SULT1C2: variants seen among roughly 807,000 people sequenced by gnomAD.
The protein encoded by SULT1C2 is sulfotransferase family 1C member 2, also known as sulfotransferase 1C2.
SULT1C2 carries 27 observed loss-of-function variants against 36.0 expected under a neutral mutation model. The ratio of observed to expected loss-of-function variants is 0.75; its 90% CI spans 0.55 to 1.03. The LOEUF (loss-of-function observed/expected upper bound fraction) is 1.03, where lower values mean the gene tolerates loss of function less well. Ranked by LOEUF, SULT1C2 falls within the 50% of genes least tolerant of loss-of-function variation. The probability of loss-of-function intolerance (pLI) is 0.00; values close to 1 mark genes in which losing one functional copy is unlikely to be tolerated. For synonymous variants in SULT1C2, 121 were observed against 116.0 expected (o/e 1.04, Z -0.27); for missense variants, 395 against 359.2 (o/e 1.10, Z -0.80).
In SULT1C2 at chr2:108,298,857, A is replaced by G. The variant is rs1013555932; in HGVS notation, c.278-1981A>G. The G allele has an allele frequency of 3.7e-5, 7 of 186,984 alleles. No homozygotes were observed. The Middle Eastern group carries it at 2.8e-3, about 74-fold the overall frequency. The allele number at this position is 186,984 out of a possible 1,614,324, so 11.6% of individuals were successfully genotyped here. A position where few individuals can be genotyped will look rare whatever the true frequency, so the allele number is the denominator to read the frequency against. On this transcript the variant is annotated intron_variant, in intron 3 of 7. Transcript: ENST00000251481. Reference sequence around the variant, plus strand: ...GCTCTTTTCTCCCTGTCTTGATCTCACACCTACATTGGAACATTTCCAATC... The same window carrying G: ...GCTCTTTTCTCCCTGTCTTGATCTCGCACCTACATTGGAACATTTCCAATC...
rs771478982 is a variant in SULT1C2, at chr2:108,305,587, T to C, written c.770T>C (p.Met257Thr). The C allele has an allele frequency of 6.2e-7, 1 of 1,613,560 alleles. No individual in the cohort carries two copies. ...TTGGACCAGTCAATTTCCTCCTTCA[T>C]GAGAAAAGGTGTGTGGGGCCTCTTT... is the stretch of plus-strand genomic sequence containing the variant. The part of the protein sequence containing the change: ...SILDQSISSF[M>T]RKGTVGDWKN... The change falls in exon 7 of 8, where the codon ATG becomes ACG. Residue 257 changes from methionine (M) to threonine (T), a missense_variant. Transcript: ENST00000251481.
intron 2 of SULT1C2, among the ~76,000 whole-genome samples, 155 bp downstream of exon 2, chr2:108,293,973 G>C (rs1376162175): frequency 6.6e-6 from 1 of 152,184 alleles, no homozygotes; most frequent in Non-Finnish European, 1.5e-5. Flanking sequence ...TGATATCCGA[G>C]TTTTCCAGGA....
In SULT1C2 at chr2:108,308,359, G is replaced by T. The variant is rs1187019678; in HGVS notation, c.786G>T (p.Val262=). The T allele has an allele frequency of 1.9e-6, 3 of 1,607,376 alleles. No homozygotes were observed. The highest frequency in any genetic ancestry group is 2.5e-6 in the Non-Finnish European group (3 of 1,178,314). ...TGGCCTTCCTTTTTCTAGGAACTGT[G>T]GGGGATTGGAAAAACCACTTCACTG... ...SISSFMRKGT[V]GDWKNHFTVA... Residue 262 remains valine, a synonymous_variant, in exon 8 of 8, where the codon GTG becomes GTT. Transcript: ENST00000251481.
chr2:108,292,266 TTAG>T (rs1277363542), intron 1 of SULT1C2, among the ~76,000 whole-genome samples: 2 of 152,154 alleles, frequency 1.3e-5, no homozygotes, highest in African/African-American at 4.8e-5. Flanking sequence ...TACTATTTCA[TTAG>T]TAGTAGTAGT....
chr2:108,308,295 AG>A (rs2104426390), intron 7 of SULT1C2, 56 bp from the exon 8 acceptor site: 8 of 1,512,570 alleles, frequency 5.3e-6, no homozygotes, highest in Middle Eastern at 1.8e-4. Flanking sequence ...CACTTTACTC[AG>A]GGACACCACA....
chr2:108,293,254 T>A (rs905042398), intron 1 of SULT1C2, among the ~76,000 whole-genome samples: 11 of 149,568 alleles, frequency 7.4e-5, no homozygotes, highest in Non-Finnish European at 1.5e-4. Flanking sequence ...CATCACATGC[T>A]ACAACACGGA....
At chr2:108,305,673 T>G in intron 7 of SULT1C2, 78 bp downstream of exon 7, 2 of 1,553,374 alleles carry the variant, frequency 1.3e-6, no homozygotes, top group Non-Finnish European at 1.8e-6. Context: ...ATATTGAGTT[T>G]TATTAATTCC....
At chr2:108,294,478 T>TCTCTCCCTCCCTCTCTCCTTCCTCTTCG in intron 3 of SULT1C2, 124 bp downstream of exon 3, 1 of 901,438 alleles carries the variant, frequency 1.1e-6, no homozygotes, top group Non-Finnish European at 1.6e-6. Context: ...CTTCCTCTTC[T>TCTCTCCCTCCCTCTCTCCTTCCTCTTCG]CTTTCTCTCT....
intron 5 of SULT1C2, 45 bp downstream of exon 5, chr2:108,304,745 G>T: frequency 6.3e-7 from 1 of 1,578,726 alleles, no homozygotes; most frequent in Non-Finnish European, 8.6e-7. Context: ...CTCCAGCTAG[G>T]CTGGGTCTAG....
At chr2:108,299,101 T>A (rs1419188773) in intron 3 of SULT1C2, 1 of 152,846 alleles carries the variant, frequency 6.5e-6, no homozygotes, top group Non-Finnish European at 1.5e-5. Context: ...TTTCTCCGGC[T>A]AATGCATGGG....
Position 108,309,833 on chromosome 2 carries a change from C to T in SULT1C2, c.*1369C>T, listed in dbSNP as rs1486917887. ...AAGTTCTAAATAATAGCTAGGTTAC[C>T]ACTGAGTTTTAACTATATGTATATG... On this transcript the variant is annotated 3_prime_UTR_variant, in exon 8 of 8. Coordinates refer to ENST00000251481, the MANE Select transcript of SULT1C2 (RefSeq NM_001056.4). The T allele has an allele frequency of 6.6e-6, 1 of 151,948 alleles. No homozygotes were observed. Among genetic ancestry groups the T allele is most frequent in the Non-Finnish European group, 1.5e-5 (1 of 67,978 alleles). The allele number at this position is 151,948 out of a possible 1,614,324, so 9.4% of individuals were successfully genotyped here.
intron 4 of SULT1C2, 143 bp from the exon 5 acceptor site, chr2:108,304,431 G>A: frequency 1.3e-6 from 1 of 786,152 alleles, no homozygotes; most frequent in Non-Finnish European, 1.9e-6. Context: ...AGAAGAGGGA[G>A]GTCACAAGGC....
chr2:108,289,453 G>T (rs1676538028), intron 1 of SULT1C2, among the ~76,000 whole-genome samples: 1 of 152,188 alleles, frequency 6.6e-6, no homozygotes, highest in Admixed American at 6.5e-5. Context: ...TGCTGGGCCT[G>T]CAAGGGGACT....
intron 3 of SULT1C2, 46 bp downstream of exon 3, chr2:108,294,400 C>G: frequency 6.3e-7 from 1 of 1,581,818 alleles, no homozygotes. Context: ...CTTTCCCTCT[C>G]TCTTCTGTTT....
chr2:108,308,436 C>T lies in SULT1C2; in HGVS notation c.863C>T (p.Thr288Ile). 1.2e-6 allele frequency: 2 copies of T among 1,612,252 alleles called. No homozygotes were observed. Among genetic ancestry groups the T allele is most frequent in the Non-Finnish European group, 1.7e-6 (2 of 1,179,570 alleles). The change falls in exon 8 of 8, where the codon ACC becomes ATC. Residue 288 changes from threonine to isoleucine, a missense_variant. By Grantham distance (89) the Thr-to-Ile change is moderately conservative. Transcript: ENST00000251481. ...ATCTATAGAAGAAAGATGGAAGGAACCTCCATAAACTTCTGCATGGAACTC... is the reference window on the plus strand; with the variant it reads ...ATCTATAGAAGAAAGATGGAAGGAATCTCCATAAACTTCTGCATGGAACTC... ...DEIYRRKMEG[T>I]SINFCMEL
chr2:108,290,815 A>T (rs1479952847), intron 1 of SULT1C2, among the ~76,000 whole-genome samples: 1 of 152,216 alleles, frequency 6.6e-6, no homozygotes, highest in Non-Finnish European at 1.5e-5. Context: ...GTGGGGACTA[A>T]CCACATCCAA....
chr2:108,307,965 T>C (rs1234504594), intron 7 of SULT1C2, among the ~76,000 whole-genome samples: 1 of 152,252 alleles, frequency 6.6e-6, no homozygotes, highest in Non-Finnish European at 1.5e-5. Flanking sequence ...AATTTCACAG[T>C]ATTTACTTTC....
intron 3 of SULT1C2, among the ~76,000 whole-genome samples, chr2:108,298,254 T>C (rs1676786074): frequency 6.6e-6 from 1 of 152,266 alleles, no homozygotes; most frequent in East Asian, 1.9e-4. Context: ...TTTTCAGCTA[T>C]ATAAGCTCTG....
chr2:108,290,043 C>T (rs946238823), intron 1 of SULT1C2, among the ~76,000 whole-genome samples: 4 of 152,202 alleles, frequency 2.6e-5, no homozygotes, highest in Admixed American at 6.5e-5. Context: ...GAGCACAACG[C>T]CTACCACAGA....
Sources: gnomAD v4.1 joint callset for allele counts (sites outside exome capture counted in the v4.1 genomes callset) on GRCh38, gnomAD v4.1.1 for gene constraint, MANE v1.5 for transcripts, NCBI Gene and HGNC (gene_info 2026-07-23, HGNC 2026-07-21) for gene names.